Variants in TACC2 observed in about 807,000 individuals in gnomAD.
The protein encoded by TACC2 is transforming acidic coiled-coil-containing protein 2.
In TACC2, 137 loss-of-function variants were observed where a neutral mutation model predicts 227.3. The observed-to-expected ratio is 0.60, with a 90% CI of 0.52 to 0.69. The LOEUF (loss-of-function observed/expected upper bound fraction) is 0.69, where lower values mean the gene tolerates loss of function less well. Among genes scored for constraint, TACC2 ranks in the 30% least tolerant of loss-of-function variants. The probability of loss-of-function intolerance (pLI) is 0.00; values close to 1 mark genes in which losing one functional copy is unlikely to be tolerated. For missense variants in TACC2, 3,470 were observed against 3,694.4 expected (o/e 0.94, Z 1.57); for synonymous variants, 1,523 against 1,487.5 (o/e 1.02, Z -0.55).
At chr10:122,237,909 G>A (rs767316321) in intron 17 of TACC2, 52 bp from the exon 18 acceptor site, 16 of 1,374,678 alleles carry the variant, frequency 1.2e-5, no homozygotes, top group Non-Finnish European at 1.6e-5. Flanking sequence ...ATTGCTCAGA[G>A]CTGAATTCAC....
chr10:122,004,632 C>G (rs1385878009), intron 1 of TACC2, among the ~76,000 whole-genome samples: 1 of 152,142 alleles, frequency 6.6e-6, no homozygotes, highest in Non-Finnish European at 1.5e-5. Flanking sequence ...TTTCCACATT[C>G]CTATGATTGC....
At chr10:122,239,714 G>A (rs1397830770) in intron 18 of TACC2, among the ~76,000 whole-genome samples, 1 of 152,070 alleles carries the variant, frequency 6.6e-6, no homozygotes, top group African/African-American at 2.4e-5. Flanking sequence ...TTGAGAAGTC[G>A]TACCACTGAG....
chr10:122,033,281 G>T, intron 2 of TACC2: 1 of 485,878 alleles, frequency 2.1e-6, no homozygotes, highest in Non-Finnish European at 3.6e-6. Context: ...CTCTTCCATT[G>T]CTTCTTCCAT....
intron 7 of TACC2, among the ~76,000 whole-genome samples, chr10:122,168,603 A>G (rs1411457329): frequency 6.6e-6 from 1 of 152,050 alleles, no homozygotes; most frequent in East Asian, 1.9e-4. Context: ...GCTACCAATC[A>G]TCCAAGGGGC....
At chr10:122,151,918 G>C (rs1350467895) in intron 7 of TACC2, among the ~76,000 whole-genome samples, 5 of 152,318 alleles carry the variant, frequency 3.3e-5, no homozygotes, top group South Asian at 2.1e-4. Flanking sequence ...ATGTCTGAGG[G>C]TGACACTGCG....
At position 122,211,072 on chromosome 10, in the gene TACC2, C is replaced by G. The variant is rs2295875; in HGVS notation, c.6647C>G (p.Pro2216Arg). 3.1e-6 allele frequency: 5 copies of G among 1,612,324 alleles called. No homozygotes were observed. The Admixed American group carries it at 8.4e-5, about 27-fold the overall frequency. ...DSESAEGVVP[P>R]ASGGGRVQNS... is the part of the protein sequence containing the mutation. Reference sequence around the variant, plus strand: ...GAGAGTGCAGAAGGGGTTGTCCCCCCGGCTTCTGGAGGTGGCAGAGTGCAG... The same window carrying G: ...GAGAGTGCAGAAGGGGTTGTCCCCCGGGCTTCTGGAGGTGGCAGAGTGCAG... The change falls in exon 9 of 23, where the codon CCG (proline) becomes CGG (arginine). Residue 2216 changes from proline (P) to arginine (R), a missense_variant. This residue lies in a region of TACC2 where 593 missense variants were observed against 636.6 expected (regional missense o/e 0.93). Transcript: ENST00000369005.
chr10:122,163,939 G>C (rs762055853), intron 7 of TACC2: 21 of 1,583,542 alleles, frequency 1.3e-5, no homozygotes, highest in Admixed American at 5.3e-5. Context: ...GAGGGTCGCA[G>C]TCCCTGCAGC....
intron 7 of TACC2, among the ~76,000 whole-genome samples, chr10:122,185,924 C>G (rs1485124818): frequency 6.6e-6 from 1 of 152,114 alleles, no homozygotes; most frequent in South Asian, 2.1e-4. Context: ...TCATAAGTAA[C>G]TCATTTTCCT....
intron 18 of TACC2, among the ~76,000 whole-genome samples, chr10:122,238,998 G>GT (rs934723490): frequency 1.3e-5 from 2 of 151,460 alleles, no homozygotes; most frequent in Non-Finnish European, 2.9e-5. Flanking sequence ...GCCGATACTA[G>GT]TTTTTTTTGT....
chr10:122,100,837 G>A (rs2082056138), intron 5 of TACC2, among the ~76,000 whole-genome samples: 1 of 152,208 alleles, frequency 6.6e-6, no homozygotes, highest in Non-Finnish European at 1.5e-5. Context: ...CTCCAGTGTG[G>A]CTGAGAGATG....
At chr10:122,213,479 C>A in intron 9 of TACC2, 2 of 1,218,068 alleles carry the variant, frequency 1.6e-6, no homozygotes, top group Middle Eastern at 2.0e-4. Context: ...CTGGCTGCTA[C>A]TGATGTGTTT....
intron 18 of TACC2, among the ~76,000 whole-genome samples, chr10:122,239,687 G>C (rs2095941518): frequency 1.3e-5 from 2 of 152,140 alleles, no homozygotes; most frequent in African/African-American, 2.4e-5. Flanking sequence ...GGTGCCTGGG[G>C]AGTGCTTATT....
At chr10:122,003,884 C>T (rs892188706) in intron 1 of TACC2, among the ~76,000 whole-genome samples, 60 of 152,042 alleles carry the variant, frequency 3.9e-4, no homozygotes, top group African/African-American at 1.4e-3. Flanking sequence ...TCTCGATCTC[C>T]TGATGTCATG....
intron 5 of TACC2, among the ~76,000 whole-genome samples, chr10:122,104,535 A>T (rs2082531926): frequency 6.6e-6 from 1 of 151,852 alleles, no homozygotes; most frequent in African/African-American, 2.4e-5. Context: ...CGCCCAGCTA[A>T]TTTTTTTGTA....
chr10:122,131,549 T>C (rs914217172), intron 5 of TACC2, among the ~76,000 whole-genome samples: 8 of 152,220 alleles, frequency 5.3e-5, no homozygotes, highest in South Asian at 2.1e-4. Context: ...TTAAAAAATA[T>C]AATTAAATGA....
chr10:122,103,549 C>T (rs1456174673), intron 5 of TACC2, among the ~76,000 whole-genome samples: 1 of 152,146 alleles, frequency 6.6e-6, no homozygotes, highest in East Asian at 1.9e-4. Context: ...TGTTCTTTTA[C>T]CAGTTATTAA....
At chr10:122,126,212 C>T (rs1297212327) in intron 5 of TACC2, among the ~76,000 whole-genome samples, 1 of 152,118 alleles carries the variant, frequency 6.6e-6, no homozygotes, top group African/African-American at 2.4e-5. Flanking sequence ...TGGCATTGTA[C>T]TGTAAGGGGG....
At chr10:122,094,908 A>C (rs1185292420) in intron 5 of TACC2, among the ~76,000 whole-genome samples, 1 of 152,226 alleles carries the variant, frequency 6.6e-6, no homozygotes, top group Non-Finnish European at 1.5e-5. Context: ...CACCGGTAGA[A>C]GCCACTGTGT....
rs769543302 is a variant in TACC2 at position 122,086,076 on chromosome 10, T to C, written c.3576T>C (p.Asp1192=). The C allele has an allele frequency of 6.2e-7, 1 of 1,613,850 alleles. No homozygotes were observed. Among genetic ancestry groups the C allele is most frequent in the Non-Finnish European group, 8.5e-7 (1 of 1,180,030 alleles). The change falls in exon 4 of 23, where the codon GAT becomes GAC. Residue 1192 remains aspartate (D), a synonymous_variant. Transcript: ENST00000369005. The part of the protein sequence containing the change: ...QAEHPMASCQ[D]ALLPARELGG... The stretch of plus-strand genomic sequence containing the variant: ...AGCACCCCATGGCCAGCTGCCAGGA[T>C]GCCTTGCTGCCAGCCAGAGAGCTGG...
Sources: allele counts gnomAD v4.1 joint callset (sites outside exome capture counted in the v4.1 genomes callset), GRCh38; gene constraint gnomAD v4.1.1; regional missense constraint gnomAD v4.1.1; transcripts MANE v1.5; gene names NCBI Gene and HGNC (gene_info 2026-07-23, HGNC 2026-07-21).